The following SGPL1 variants were observed in gnomAD, a reference collection of about 807,000 sequenced individuals.
SGPL1 encodes the protein SP-lyase 1.
In SGPL1, 37 loss-of-function variants were observed where a neutral mutation model predicts 68.9. The ratio of observed to expected loss-of-function variants is 0.54; its 90% CI spans 0.41 to 0.71. SGPL1 has a LOEUF of 0.71. Among genes scored for constraint, SGPL1 ranks in the 30% least tolerant of loss-of-function variants. The pLI is 0.00. For missense variants in SGPL1, 551 were observed against 704.6 expected, an observed-to-expected ratio of 0.78 and a Z score of 2.47; for synonymous variants, 236 against 248.5, an observed-to-expected ratio of 0.95 and a Z score of 0.47.
intron 7 of SGPL1, among the ~76,000 whole-genome samples, chr10:70,864,630 G>T (rs1202571936): frequency 1.3e-5 from 2 of 152,072 alleles, no homozygotes; most frequent in Admixed American, 1.3e-4. Context: ...GTTATAAGGG[G>T]TTTCCTTCAT....
chr10:70,861,696 A>G (rs1846058970), intron 7 of SGPL1, among the ~76,000 whole-genome samples: 1 of 152,160 alleles, frequency 6.6e-6, no homozygotes, highest in South Asian at 2.1e-4. Flanking sequence ...GGCCAGCTAG[A>G]GTTCCCGGTG....
chr10:70,865,165 A>G (rs1846158543), intron 7 of SGPL1, among the ~76,000 whole-genome samples: 1 of 151,836 alleles, frequency 6.6e-6, no homozygotes, highest in South Asian at 2.1e-4. Flanking sequence ...AGGGCTGATT[A>G]GAAACTAGTG....
intron 2 of SGPL1, among the ~76,000 whole-genome samples, chr10:70,817,244 C>T (rs921229421): frequency 1.1e-4 from 16 of 152,180 alleles, no homozygotes; most frequent in Non-Finnish European, 2.2e-4. Flanking sequence ...GCCTTGAACT[C>T]CTGACCTGTG....
chr10:70,867,571 A>AG (rs1177260658), intron 7 of SGPL1, among the ~76,000 whole-genome samples: 3 of 152,060 alleles, frequency 2.0e-5, no homozygotes, highest in Non-Finnish European at 4.4e-5. Flanking sequence ...CAAAAAAAAA[A>AG]AAAAAATGGA....
At chr10:70,861,907 C>T (rs1214746186) in intron 7 of SGPL1, among the ~76,000 whole-genome samples, 1 of 152,236 alleles carries the variant, frequency 6.6e-6, no homozygotes, top group Non-Finnish European at 1.5e-5. Context: ...CTGCAGCCCG[C>T]CATGCCTGAG....
chr10:70,863,371 A>T lies in SGPL1; in HGVS notation c.615+3872A>T, dbSNP rs114501744. On this transcript the variant is annotated intron_variant, in intron 7 of 14. Coordinates refer to ENST00000373202, the MANE Select transcript of SGPL1 (RefSeq NM_003901.4). ...TGGCTTAACTTTTGTTTACTTAAAT[A>T]TATTACACATAAATATGTTGTATTC... Among the ~76,000 whole-genome samples the T allele has an allele frequency of 9.0e-3, 1,322 of 147,346 alleles. 31 individuals carry two copies. The highest frequency in any genetic ancestry group is 0.032 in the African/African-American group (1,256 of 39,496).
intron 7 of SGPL1, among the ~76,000 whole-genome samples, chr10:70,867,256 C>A (rs1055708468): frequency 6.6e-6 from 1 of 152,078 alleles, no homozygotes; most frequent in African/African-American, 2.4e-5. Context: ...TACTGAGAGT[C>A]AAGTCAGGCA....
In SGPL1 at chr10:70,875,432, TG is replaced by T; in HGVS notation, c.1332del (p.Asn445IlefsTer22). On this transcript the variant is annotated frameshift_variant, in exon 13 of 15. Coordinates refer to ENST00000373202, the MANE Select transcript of SGPL1 (RefSeq NM_003901.4). LOFTEE classifies it high-confidence loss of function. ...AAAATATCAAAGGCATCTTTGTTTT[TG>T]GGAATCCCCAATTGTCAGTCATTGC... ...LENIKGIFVF[G>X]NPQLSVIALG... 1 of 1,612,150 alleles carries T rather than the reference TG, an allele frequency of 6.2e-7. No homozygotes were observed. The highest frequency in any genetic ancestry group is 1.1e-5 in the South Asian group (1 of 90,894).
chr10:70,826,216 C>T (rs1268582737), intron 2 of SGPL1, among the ~76,000 whole-genome samples: 5 of 151,936 alleles, frequency 3.3e-5, no homozygotes, highest in Non-Finnish European at 7.4e-5. Flanking sequence ...TACAATACAA[C>T]ACAACACAAC....
At chr10:70,856,661 T>C (rs188014907) in intron 5 of SGPL1, among the ~76,000 whole-genome samples, 1 of 152,292 alleles carries the variant, frequency 6.6e-6, no homozygotes, top group Non-Finnish European at 1.5e-5. Flanking sequence ...GGCAGATTGC[T>C]GTAAGAATGA....
intron 2 of SGPL1, among the ~76,000 whole-genome samples, chr10:70,841,415 G>C (rs1345030397): frequency 6.6e-6 from 1 of 152,178 alleles, no homozygotes; most frequent in African/African-American, 2.4e-5. Context: ...AGGCCAGGAA[G>C]CCCAAGAGCA....
intron 13 of SGPL1, among the ~76,000 whole-genome samples, chr10:70,875,891 A>G (rs886359335): frequency 6.6e-6 from 1 of 152,204 alleles, no homozygotes; most frequent in African/African-American, 2.4e-5. Context: ...ATTTAGTTCA[A>G]GATCTTCCTG....
At chr10:70,836,489 TTTC>T (rs1845629566) in intron 2 of SGPL1, among the ~76,000 whole-genome samples, 1 of 152,042 alleles carries the variant, frequency 6.6e-6, no homozygotes, top group Non-Finnish European at 1.5e-5. Context: ...TGCACACTGG[TTTC>T]TTTTCTTTTC....
intron 4 of SGPL1, among the ~76,000 whole-genome samples, chr10:70,852,939 C>G (rs1845910729): frequency 6.6e-6 from 1 of 152,060 alleles, no homozygotes; most frequent in Non-Finnish European, 1.5e-5. Flanking sequence ...GAAATAAATG[C>G]TTTGAAGAAA....
In SGPL1 at chr10:70,875,441, C is replaced by T; in HGVS notation, c.1338C>T (p.Pro446=). ...AAGGCATCTTTGTTTTTGGGAATCC[C>T]CAATTGTCAGTCATTGCTCTGGGAT... ...NIKGIFVFGN[P]QLSVIALGSR... Residue 446 remains proline (P), a synonymous_variant, in exon 13 of 15, where the codon CCC becomes CCT. Coordinates refer to ENST00000373202, the MANE Select transcript of SGPL1 (RefSeq NM_003901.4). The T allele has an allele frequency of 6.2e-7, 1 of 1,612,194 alleles. No individual in the cohort carries two copies. The highest frequency in any genetic ancestry group is 8.5e-7 in the Non-Finnish European group (1 of 1,178,470).
chr10:70,866,077 A>G (rs1466060833), intron 7 of SGPL1, among the ~76,000 whole-genome samples: 1 of 152,202 alleles, frequency 6.6e-6, no homozygotes, highest in Non-Finnish European at 1.5e-5. Context: ...ACACAGAATC[A>G]AAAATACATA....
At chr10:70,835,178 A>G (rs1231345231) in intron 2 of SGPL1, among the ~76,000 whole-genome samples, 1 of 152,228 alleles carries the variant, frequency 6.6e-6, no homozygotes, top group Admixed American at 6.5e-5. Flanking sequence ...ATAAACGTTG[A>G]GTTCCTGCTG....
intron 2 of SGPL1, among the ~76,000 whole-genome samples, chr10:70,840,732 A>G (rs1845700971): frequency 6.6e-6 from 1 of 152,180 alleles, no homozygotes; most frequent in African/African-American, 2.4e-5. Flanking sequence ...TTATCTTCAT[A>G]AGAATCAAAA....
intron 4 of SGPL1, among the ~76,000 whole-genome samples, chr10:70,851,564 T>G (rs1845882004): frequency 1.3e-5 from 2 of 152,032 alleles, no homozygotes; most frequent in Admixed American, 1.3e-4. Context: ...AAAGGAGAGA[T>G]GAGAAGCCTG....
Sources: gnomAD v4.1 joint callset for allele counts (sites outside exome capture counted in the v4.1 genomes callset) on GRCh38, gnomAD v4.1.1 for gene constraint, MANE v1.5 for transcripts, NCBI Gene and HGNC (gene_info 2026-07-23, HGNC 2026-07-21) for gene names.